Variants in ANKRD11 observed in about 807,000 individuals in gnomAD.
ANKRD11 encodes the protein ankyrin repeat domain 11.
ANKRD11 carries 17 observed loss-of-function variants against 195.7 expected under a neutral mutation model. That is an observed-to-expected ratio of 0.09 (90% CI 0.06 to 0.13). The LOEUF (loss-of-function observed/expected upper bound fraction) is 0.13, where lower values mean the gene tolerates loss of function less well. Among genes scored for constraint, ANKRD11 ranks in the 10% least tolerant of loss-of-function variants. The pLI is 1.00. For synonymous variants in ANKRD11, 1,953 were observed against 1,528.1 expected (o/e 1.28, Z -6.49); for missense variants, 3,735 against 3,566.1 (o/e 1.05, Z -1.21).
chr16:89,423,946 G>A (rs958064483), intron 1 of ANKRD11, among the ~76,000 whole-genome samples: 4 of 152,086 alleles, frequency 2.6e-5, no homozygotes, highest in Admixed American at 2.0e-4. Flanking sequence ...CGGGTAAGAG[G>A]ACAGGGTACA....
chr16:89,276,483 C>A (rs1232282796), intron 9 of ANKRD11, among the ~76,000 whole-genome samples: 1 of 152,186 alleles, frequency 6.6e-6, no homozygotes, highest in Non-Finnish European at 1.5e-5. Context: ...CCTATGACAC[C>A]AGGAGCAGAA....
chr16:89,416,506 C>A (rs1335769426), intron 2 of ANKRD11, among the ~76,000 whole-genome samples: 1 of 152,162 alleles, frequency 6.6e-6, no homozygotes, highest in Non-Finnish European at 1.5e-5. Flanking sequence ...ACCATGTTGG[C>A]AGGCTGGTCT....
At chr16:89,421,670 A>G (rs2042514082) in intron 1 of ANKRD11, among the ~76,000 whole-genome samples, 1 of 113,422 alleles carries the variant, frequency 8.8e-6, no homozygotes, top group Non-Finnish European at 1.8e-5. Flanking sequence ...TCGGTGTGTG[A>G]TGACGGAGTC....
intron 1 of ANKRD11, among the ~76,000 whole-genome samples, chr16:89,428,261 C>G (rs1468025697): frequency 6.8e-6 from 1 of 148,024 alleles, no homozygotes; most frequent in Admixed American, 6.8e-5. Context: ...CACGGTGGTT[C>G]ACGCCTATAA....
Position 89,362,978 on chromosome 16 carries a change from G to A in ANKRD11, c.-59-45900C>T, listed in dbSNP as rs142449844. Among the ~76,000 whole-genome samples, 972 of 151,906 alleles carry A rather than the reference G, an allele frequency of 6.4e-3. 10 individuals are homozygous for A. Among genetic ancestry groups the A allele is most frequent in the African/African-American group, 0.022 (897 of 41,192 alleles). ...TTGGTATAAAAAAACCGGACACAGC[G>A]TCAGGTTATAAATGACCCTGGTCTC... is the stretch of plus-strand genomic sequence containing the variant. On this transcript the variant is annotated intron_variant, in intron 2 of 12. Coordinates refer to ENST00000301030, the MANE Select transcript of ANKRD11 (RefSeq NM_013275.6).
chr16:89,409,533 G>C (rs1336328522), intron 2 of ANKRD11, among the ~76,000 whole-genome samples: 1 of 152,172 alleles, frequency 6.6e-6, no homozygotes, highest in Non-Finnish European at 1.5e-5. Context: ...AGCAGGAAAG[G>C]CTGGGTGCTG....
At chr16:89,405,974 G>A (rs1289460368) in intron 2 of ANKRD11, among the ~76,000 whole-genome samples, 1 of 152,100 alleles carries the variant, frequency 6.6e-6, no homozygotes, top group Non-Finnish European at 1.5e-5. Context: ...ACCGGGCGTG[G>A]TGGCACACAC....
intron 2 of ANKRD11, among the ~76,000 whole-genome samples, chr16:89,346,369 C>T (rs2038942367): frequency 6.6e-6 from 1 of 151,834 alleles, no homozygotes; most frequent in Non-Finnish European, 1.5e-5. Context: ...ACCCAGACTA[C>T]AAGACAGAAG....
At chr16:89,455,453 C>T (rs540410263) in intron 1 of ANKRD11, among the ~76,000 whole-genome samples, 4 of 152,230 alleles carry the variant, frequency 2.6e-5, no homozygotes, top group African/African-American at 9.6e-5. Context: ...GCTACACGCA[C>T]CACATCATGG....
intron 2 of ANKRD11, among the ~76,000 whole-genome samples, chr16:89,337,477 C>T (rs1199098993): frequency 7.9e-6 from 1 of 126,690 alleles, no homozygotes; most frequent in Non-Finnish European, 1.6e-5. Flanking sequence ...CCCTCTGTCG[C>T]CCAGGCTGGA....
At chr16:89,273,752 T>C (rs2033394037) in intron 11 of ANKRD11, among the ~76,000 whole-genome samples, 2 of 151,706 alleles carry the variant, frequency 1.3e-5, no homozygotes, top group African/African-American at 4.8e-5. Flanking sequence ...ATTGATAAAA[T>C]ACATCCCCAA....
chr16:89,385,161 C>T (rs1382390976), intron 2 of ANKRD11, among the ~76,000 whole-genome samples: 1 of 151,580 alleles, frequency 6.6e-6, no homozygotes, highest in Admixed American at 6.6e-5. Flanking sequence ...CAGGCGTGAG[C>T]CACTGTACCC....
intron 2 of ANKRD11, among the ~76,000 whole-genome samples, chr16:89,369,453 TGCCGCAGCATGGGTGC>T (rs1270239516): frequency 1.3e-5 from 2 of 152,200 alleles, no homozygotes; most frequent in Non-Finnish European, 2.9e-5. Flanking sequence ...CACCAAGCTC[TGCCGCAGCATGGGTGC>T]GCCGCAACAG....
intron 1 of ANKRD11, among the ~76,000 whole-genome samples, chr16:89,476,650 G>C (rs1210335021): frequency 6.6e-6 from 1 of 152,134 alleles, no homozygotes; most frequent in East Asian, 1.9e-4. Flanking sequence ...GCAGGCACTA[G>C]CCTGCCAAAA....
chr16:89,368,274 C>T (rs111458513), intron 2 of ANKRD11, among the ~76,000 whole-genome samples: 2 of 151,668 alleles, frequency 1.3e-5, no homozygotes, highest in African/African-American at 4.8e-5. Flanking sequence ...CGGCTCACTG[C>T]AACCTCCGCC....
chr16:89,318,568 G>GT (rs11445934), intron 2 of ANKRD11, among the ~76,000 whole-genome samples: 86,153 of 152,022 alleles, frequency 0.57, 24,743 homozygotes, highest in Middle Eastern at 0.72. Flanking sequence ...AGACCCATCT[G>GT]TGAGTGGCAG....
rs768495392 is a variant in ANKRD11, at chr16:89,282,202, G to A, written c.4340C>T (p.Pro1447Leu). The change falls in exon 9 of 13, where the codon CCT becomes CTT. Residue 1447 changes from proline to leucine, a missense_variant. By Grantham distance (98) the Pro-to-Leu change is moderately conservative (BLOSUM62 -3). Transcript: ENST00000301030. Reference sequence around the variant, plus strand: ...GATGTTGATGGCACTAGATCCATAAGGCTTTAGTTCCTTTTCTATTTTCTT... The same window carrying A: ...GATGTTGATGGCACTAGATCCATAAAGCTTTAGTTCCTTTTCTATTTTCTT... ...PSKKIEKELK[P>L]YGSSAINILK... is the part of the protein sequence containing the mutation. The A allele has an allele frequency of 6.2e-7, 1 of 1,613,786 alleles. No individual in the cohort carries two copies. Among genetic ancestry groups the A allele is most frequent in the Non-Finnish European group, 8.5e-7 (1 of 1,179,966 alleles).
chr16:89,462,012 G>C (rs1005464126), intron 1 of ANKRD11, among the ~76,000 whole-genome samples: 1 of 151,416 alleles, frequency 6.6e-6, no homozygotes. Flanking sequence ...TTTAAAAAAA[G>C]CGTCACGCTC....
intron 2 of ANKRD11, among the ~76,000 whole-genome samples, chr16:89,404,622 GA>G (rs1336637856): frequency 6.6e-6 from 1 of 152,230 alleles, no homozygotes; most frequent in Non-Finnish European, 1.5e-5. Context: ...TAGGTCAGGA[GA>G]AGACAGACGC....
Sources: allele counts gnomAD v4.1 joint callset (sites outside exome capture counted in the v4.1 genomes callset), GRCh38; gene constraint gnomAD v4.1.1; transcripts MANE v1.5; gene names NCBI Gene and HGNC (gene_info 2026-07-23, HGNC 2026-07-21).